Variants in PDE4D observed in about 807,000 individuals in gnomAD.
PDE4D encodes the protein 3',5'-cyclic-AMP phosphodiesterase 4D.
PDE4D carries 24 observed loss-of-function variants against 87.4 expected under a neutral mutation model. The observed-to-expected ratio is 0.27, with a 90% CI of 0.20 to 0.39. The LOEUF (loss-of-function observed/expected upper bound fraction) is 0.39. Among genes scored for constraint, PDE4D ranks in the 10% least tolerant of loss-of-function variants. PDE4D has a pLI of 1.00. For synonymous variants in PDE4D, 384 were observed against 383.2 expected, an observed-to-expected ratio of 1.00 and a Z score of -0.02; for missense variants, 714 against 1,041.0, an observed-to-expected ratio of 0.69 and a Z score of 4.32.
chr5:59,470,028 G>A (rs1802208371), intron 1 of PDE4D, among the ~76,000 whole-genome samples: 1 of 152,072 alleles, frequency 6.6e-6, no homozygotes, highest in African/African-American at 2.4e-5. Flanking sequence ...CATCTCTGGA[G>A]GTAAGATTTT....
chr5:59,152,869 A>G (rs1779652655), intron 5 of PDE4D, among the ~76,000 whole-genome samples: 1 of 152,160 alleles, frequency 6.6e-6, no homozygotes, highest in Non-Finnish European at 1.5e-5. Flanking sequence ...TCTCAGTTCA[A>G]GACCATAAAA....
rs114443255 is a variant in PDE4D at position 59,393,332 on chromosome 5, C to T, written c.456-177364G>A. On this transcript the variant is annotated intron_variant, in intron 1 of 14. Transcript: ENST00000340635. ...CGTAAAGGCACTTTATGATAAAGAA[C>T]ATCTCAAAAAAATAACATATAGAAC... 1.6e-3 allele frequency among the ~76,000 whole-genome samples: 241 copies of T among 152,184 alleles called. 1 individual carries two copies. The highest frequency in any genetic ancestry group is 5.7e-3 in the African/African-American group (237 of 41,514).
intron 1 of PDE4D, among the ~76,000 whole-genome samples, chr5:59,739,158 A>C (rs1235489338): frequency 6.6e-6 from 1 of 152,072 alleles, no homozygotes; most frequent in East Asian, 1.9e-4. Flanking sequence ...AGTGGCTCAC[A>C]CCTGTAATCC....
intron 1 of PDE4D, among the ~76,000 whole-genome samples, chr5:59,883,968 A>G (rs1313679903): frequency 6.6e-6 from 1 of 152,172 alleles, no homozygotes; most frequent in Non-Finnish European, 1.5e-5. Flanking sequence ...CAAGTGAAAT[A>G]TATTAAACGA....
At chr5:60,111,494 G>A (rs1777683087) in intron 2 of PDE4D, among the ~76,000 whole-genome samples, 1 of 151,858 alleles carries the variant, frequency 6.6e-6, no homozygotes, top group Non-Finnish European at 1.5e-5. Context: ...ATATTCCTGG[G>A]CATTATACAA....
Position 60,464,755 on chromosome 5 carries a change from A to G in PDE4D, c.-90+23187T>C, listed in dbSNP as rs143593890. Reference sequence around the variant, plus strand: ...AAACATGGTACCCAAATTTCCACTCATCATACTGTGGTGGCATTAGAGGAT... The same window carrying G: ...AAACATGGTACCCAAATTTCCACTCGTCATACTGTGGTGGCATTAGAGGAT... On this transcript the variant is annotated intron_variant, in intron 1 of 16. Coordinates refer to the PDE4D transcript ENST00000502484. Among the ~76,000 whole-genome samples the G allele has an allele frequency of 4.1e-3, 624 of 152,270 alleles. 6 individuals carry two copies. The highest frequency in any genetic ancestry group is 0.014 in the African/African-American group (596 of 41,572).
At chr5:59,599,405 T>A (rs998036375) in intron 1 of PDE4D, among the ~76,000 whole-genome samples, 10 of 149,950 alleles carry the variant, frequency 6.7e-5, no homozygotes, top group African/African-American at 2.4e-4. Flanking sequence ...TATTTATTTA[T>A]TTTTTTTTTA....
chr5:59,322,904 A>G (rs1235548219), intron 1 of PDE4D, among the ~76,000 whole-genome samples: 2 of 152,170 alleles, frequency 1.3e-5, no homozygotes, highest in African/African-American at 4.8e-5. Context: ...TAGTAGGACT[A>G]TGAGCAAGAA....
At chr5:60,330,388 G>C (rs961795255) in intron 1 of PDE4D, among the ~76,000 whole-genome samples, 3 of 152,174 alleles carry the variant, frequency 2.0e-5, no homozygotes, top group African/African-American at 7.2e-5. Flanking sequence ...GTACAAATGG[G>C]AGCACATGGG....
intron 1 of PDE4D, among the ~76,000 whole-genome samples, chr5:59,582,003 C>G (rs906036771): frequency 6.6e-6 from 1 of 152,254 alleles, no homozygotes; most frequent in Admixed American, 6.5e-5. Context: ...TCCATCTAAA[C>G]TTTATTGGTC....
chr5:59,689,669 G>C (rs1001736424), intron 1 of PDE4D, among the ~76,000 whole-genome samples: 2 of 152,176 alleles, frequency 1.3e-5, no homozygotes, highest in Non-Finnish European at 2.9e-5. Flanking sequence ...ACAAGACAGG[G>C]ATGCCCTTTC....
intron 1 of PDE4D, among the ~76,000 whole-genome samples, chr5:59,460,526 G>A (rs1800603523): frequency 6.6e-6 from 1 of 152,082 alleles, no homozygotes; most frequent in African/African-American, 2.4e-5. Context: ...CACCATGAGT[G>A]GTACTGTCTG....
chr5:59,180,723 T>C (rs1199435912), intron 4 of PDE4D, 79 bp from the exon 5 acceptor site: 4 of 1,281,924 alleles, frequency 3.1e-6, no homozygotes, highest in Non-Finnish European at 4.5e-6. Flanking sequence ...ATTTCAGATA[T>C]AGCATTTTAC....
intron 1 of PDE4D, among the ~76,000 whole-genome samples, chr5:60,473,062 A>AGGAG (rs1183553961): frequency 2.7e-5 from 4 of 147,374 alleles, no homozygotes; most frequent in Non-Finnish European, 6.0e-5. Context: ...GAAGGAAGGA[A>AGGAG]GGAGGGAGGG....
At chr5:59,458,808 A>T (rs971429261) in intron 1 of PDE4D, among the ~76,000 whole-genome samples, 3 of 152,330 alleles carry the variant, frequency 2.0e-5, no homozygotes, top group Middle Eastern at 3.4e-3. Context: ...ATCTGCAATG[A>T]AATCTGATTG....
At chr5:60,460,735 GC>G in intron 1 of PDE4D, 1 of 715,766 alleles carries the variant, frequency 1.4e-6, no homozygotes, top group South Asian at 1.7e-5. Context: ...GCATTTGGGG[GC>G]CATGCTGCTA....
intron 1 of PDE4D, among the ~76,000 whole-genome samples, chr5:59,808,083 A>G (rs773701117): frequency 1.3e-5 from 2 of 152,200 alleles, no homozygotes; most frequent in Non-Finnish European, 2.9e-5. Context: ...CTCATTTGTA[A>G]AAAGTGGAAG....
chr5:59,840,141 C>G (rs1459321206), intron 1 of PDE4D, among the ~76,000 whole-genome samples: 1 of 151,806 alleles, frequency 6.6e-6, no homozygotes, highest in Non-Finnish European at 1.5e-5. Flanking sequence ...AAAACCTCTT[C>G]CTCTTCCATG....
intron 1 of PDE4D, among the ~76,000 whole-genome samples, chr5:59,344,212 T>C (rs557857364): frequency 1.3e-5 from 2 of 152,278 alleles, no homozygotes; most frequent in African/African-American, 4.8e-5. Context: ...AGTTCCTCAG[T>C]AGTTCTTAGT....
Sources: allele counts gnomAD v4.1 joint callset (sites outside exome capture counted in the v4.1 genomes callset), GRCh38; gene constraint gnomAD v4.1.1; transcripts MANE v1.5; gene names NCBI Gene and HGNC (gene_info 2026-07-23, HGNC 2026-07-21).